The following SLC2A9 variants were observed in gnomAD, a reference collection of about 807,000 sequenced individuals.
The protein encoded by SLC2A9 is solute carrier family 2, facilitated glucose transporter member 9.
Under a neutral mutation model 50.6 loss-of-function variants are expected in SLC2A9, and 39 were observed. That is an observed-to-expected ratio of 0.77 (90% CI 0.60 to 1.01). The LOEUF is 1.01. Among genes scored for constraint, SLC2A9 ranks in the 50% least tolerant of loss-of-function variants. The probability of loss-of-function intolerance (pLI) is 0.00; values close to 1 mark genes in which losing one functional copy is unlikely to be tolerated. For synonymous variants in SLC2A9, 324 were observed against 276.9 expected, an observed-to-expected ratio of 1.17 and a Z score of -1.69; for missense variants, 686 against 677.6, an observed-to-expected ratio of 1.01 and a Z score of -0.14.
In SLC2A9 at chr4:9,908,342, A is replaced by G. The variant is rs779653371; in HGVS notation, c.1006T>C (p.Trp336Arg). ...CYQLCGLNAI[W>R]FYTNSIFGKA... The stretch of plus-strand genomic sequence containing the variant: ...CCAAAGATGCTGTTGGTATAGAACC[A>G]AATCTGTAATTCAGGAAAGAATGAG... Residue 336 changes from tryptophan to arginine, a missense_variant, in exon 8 of 12, where the codon TGG (tryptophan) becomes CGG (arginine). By Grantham distance (101) the Trp-to-Arg change is moderately radical (BLOSUM62 -3). Transcript: ENST00000264784. The G allele has an allele frequency of 6.3e-7, 1 of 1,596,120 alleles. No homozygotes were observed. The highest frequency in any genetic ancestry group is 8.6e-7 in the Non-Finnish European group (1 of 1,163,292).
Position 9,985,584 on chromosome 4 carries a change from T to G in SLC2A9, c.535+85A>C, listed in dbSNP as rs114294494. 8.0e-4 allele frequency: 1,255 copies of G among 1,570,778 alleles called. 7 individuals carry two copies. In the African/African-American group the frequency reaches 0.015, roughly 18 times the overall value. On this transcript the variant is annotated intron_variant, in intron 4 of 11. Coordinates refer to ENST00000264784, the MANE Select transcript of SLC2A9 (RefSeq NM_020041.3). ...CAATGCCAGCAGAGAGCCCCAGTCATGTGACAGCCCCAAACACTTCTCACA... is the reference window on the plus strand; with the variant it reads ...CAATGCCAGCAGAGAGCCCCAGTCAGGTGACAGCCCCAAACACTTCTCACA...
intron 5 of SLC2A9, among the ~76,000 whole-genome samples, chr4:9,970,498 C>A (rs1174283577): frequency 1.3e-5 from 2 of 152,062 alleles, no homozygotes; most frequent in South Asian, 4.2e-4. Context: ...AGCCTGAAAA[C>A]CACAGTTTCT....
At chr4:9,877,664 C>A (rs1406332887) in intron 10 of SLC2A9, among the ~76,000 whole-genome samples, 2 of 152,190 alleles carry the variant, frequency 1.3e-5, no homozygotes, top group Non-Finnish European at 2.9e-5. Context: ...AAGGACTGAG[C>A]CCTTTCACTT....
At chr4:9,773,811 A>G (rs1717160254) in intron 1 of SLC2A9, among the ~76,000 whole-genome samples, 3 of 152,248 alleles carry the variant, frequency 2.0e-5, no homozygotes, top group South Asian at 4.1e-4. Context: ...CCTGGGTAAG[A>G]GAGGACACCC....
intron 10 of SLC2A9, among the ~76,000 whole-genome samples, chr4:9,839,799 C>T (rs926642151): frequency 1.8e-4 from 28 of 151,830 alleles, no homozygotes; most frequent in South Asian, 1.2e-3. Flanking sequence ...ACACATAGAG[C>T]GGAACAACAC....
chr4:9,908,551 T>TTA (rs72428331), intron 7 of SLC2A9, among the ~76,000 whole-genome samples: 7 of 150,300 alleles, frequency 4.7e-5, no homozygotes, highest in Admixed American at 2.0e-4. Flanking sequence ...TATTTTTTAT[T>TTA]TATATATATA....
At chr4:9,955,954 T>A (rs1751198420) in intron 5 of SLC2A9, among the ~76,000 whole-genome samples, 1 of 136,194 alleles carries the variant, frequency 7.3e-6, no homozygotes, top group Non-Finnish European at 1.5e-5. Context: ...CTTGGCTCAC[T>A]GCAACCTCTG....
At chr4:9,855,590 T>C (rs558068084) in intron 10 of SLC2A9, among the ~76,000 whole-genome samples, 2 of 152,264 alleles carry the variant, frequency 1.3e-5, no homozygotes, top group Admixed American at 6.5e-5. Flanking sequence ...ATCAATGACA[T>C]CCTTCACAGA....
chr4:9,787,163 A>G (rs757482432), intron 3 of SLC2A9, among the ~76,000 whole-genome samples: 18 of 152,202 alleles, frequency 1.2e-4, no homozygotes, highest in Non-Finnish European at 2.2e-4. Context: ...TACACAAAAC[A>G]CATGCCCCAG....
rs116802845 is a variant in SLC2A9, at chr4:10,001,104, A to G, written c.250-4163T>C. Among the ~76,000 whole-genome samples, 1,361 of 152,294 alleles carry G rather than the reference A, an allele frequency of 8.9e-3. 16 individuals carry two copies. The highest frequency in any genetic ancestry group is 0.031 in the African/African-American group (1,306 of 41,562). ...TTGGAGTAAGGCCCACTCTACTCCAATATGACTGGTGTCCTTTATAGAAAG... is the reference window on the plus strand; with the variant it reads ...TTGGAGTAAGGCCCACTCTACTCCAGTATGACTGGTGTCCTTTATAGAAAG... On this transcript the variant is annotated intron_variant, in intron 2 of 11. Coordinates refer to ENST00000264784, the MANE Select transcript of SLC2A9 (RefSeq NM_020041.3).
intron 5 of SLC2A9, among the ~76,000 whole-genome samples, chr4:9,949,389 T>C (rs1022416475): frequency 6.6e-6 from 1 of 152,214 alleles, no homozygotes; most frequent in Non-Finnish European, 1.5e-5. Flanking sequence ...ATACTTTTTA[T>C]AAAAATGCTA....
At chr4:9,883,526 T>C (rs1735608322) in intron 10 of SLC2A9, among the ~76,000 whole-genome samples, 1 of 152,198 alleles carries the variant, frequency 6.6e-6, no homozygotes, top group Admixed American at 6.5e-5. Flanking sequence ...GTAGGGGTGA[T>C]GTATATAAGG....
chr4:9,963,448 G>C (rs920327614), intron 5 of SLC2A9, among the ~76,000 whole-genome samples: 1 of 152,236 alleles, frequency 6.6e-6, no homozygotes, highest in Non-Finnish European at 1.5e-5. Flanking sequence ...CAATGCTACA[G>C]ACCCCACGGT....
intron 3 of SLC2A9, among the ~76,000 whole-genome samples, chr4:9,807,391 C>T (rs1334448988): frequency 6.6e-6 from 1 of 152,190 alleles, no homozygotes; most frequent in African/African-American, 2.4e-5. Context: ...CTCCAGGAAG[C>T]TACCCCCTGA....
chr4:9,947,371 T>C (rs1183986423), intron 5 of SLC2A9, among the ~76,000 whole-genome samples: 1 of 152,180 alleles, frequency 6.6e-6, no homozygotes, highest in Non-Finnish European at 1.5e-5. Context: ...CTGCTCTGCA[T>C]ATTTGTGAAA....
At chr4:9,940,271 C>A (rs1036275280) in intron 6 of SLC2A9, among the ~76,000 whole-genome samples, 1 of 152,170 alleles carries the variant, frequency 6.6e-6, no homozygotes, top group Non-Finnish European at 1.5e-5. Context: ...ATCTGACAAC[C>A]ATCTGAACCA....
intron 10 of SLC2A9, among the ~76,000 whole-genome samples, chr4:9,854,073 C>T (rs1730369678): frequency 6.6e-6 from 1 of 151,784 alleles, no homozygotes; most frequent in Admixed American, 6.6e-5. Flanking sequence ...AACCTAACAT[C>T]ACACCTAGAG....
At chr4:9,901,979 G>A (rs76632978) in intron 8 of SLC2A9, among the ~76,000 whole-genome samples, 4,002 of 152,304 alleles carry the variant, frequency 0.026, 186 homozygotes, top group African/African-American at 0.091. Context: ...GCTCCTGATA[G>A]GTGGCGTACC....
intron 5 of SLC2A9, among the ~76,000 whole-genome samples, chr4:9,973,599 A>G (rs1272990835): frequency 6.6e-6 from 1 of 151,632 alleles, no homozygotes. Context: ...TTCTCAGCAA[A>G]CTATCGCAAG....
Sources: allele counts gnomAD v4.1 joint callset (sites outside exome capture counted in the v4.1 genomes callset), GRCh38; gene constraint gnomAD v4.1.1; transcripts MANE v1.5; gene names NCBI Gene and HGNC (gene_info 2026-07-23, HGNC 2026-07-21).